The following NCKAP5 variants were observed in gnomAD, a reference collection of about 807,000 sequenced individuals.
The protein encoded by NCKAP5 is NCK associated protein 5.
In NCKAP5, 92 loss-of-function variants were observed where a neutral mutation model predicts 167.0. The observed-to-expected ratio is 0.55, with a 90% CI of 0.47 to 0.66. NCKAP5 has a LOEUF of 0.66. NCKAP5 is among the 30% of genes least tolerant of loss of function. The pLI is 0.00. For synonymous variants in NCKAP5, 891 were observed against 877.4 expected, an observed-to-expected ratio of 1.02 and a Z score of -0.27; for missense variants, 2,378 against 2,315.0, an observed-to-expected ratio of 1.03 and a Z score of -0.56.
At chr2:133,548,784 G>A (rs1357157968) in intron 2 of NCKAP5, among the ~76,000 whole-genome samples, 5 of 152,032 alleles carry the variant, frequency 3.3e-5, no homozygotes, top group African/African-American at 4.8e-5. Context: ...ATGCCAAAAC[G>A]TAAAGACCAT....
intron 3 of NCKAP5, among the ~76,000 whole-genome samples, chr2:133,370,500 A>G (rs2150907539): frequency 6.6e-6 from 1 of 152,304 alleles, no homozygotes; most frequent in Admixed American, 6.5e-5. Context: ...GTTATGTGGA[A>G]AAAGGGTTTT....
intron 6 of NCKAP5, among the ~76,000 whole-genome samples, chr2:133,065,531 AG>A (rs1348372608): frequency 6.6e-6 from 1 of 152,178 alleles, no homozygotes; most frequent in African/African-American, 2.4e-5. Context: ...AGGCTGAGGC[AG>A]GAGAATTGCC....
At chr2:133,545,397 T>C (rs1021324949) in intron 2 of NCKAP5, among the ~76,000 whole-genome samples, 3 of 152,122 alleles carry the variant, frequency 2.0e-5, no homozygotes, top group African/African-American at 4.8e-5. Context: ...GCCAATAGTT[T>C]GCGCAGATTT....
chr2:133,396,090 G>T (rs1183213789), intron 3 of NCKAP5, among the ~76,000 whole-genome samples: 3 of 151,964 alleles, frequency 2.0e-5, no homozygotes, highest in Non-Finnish European at 4.4e-5. Context: ...AAATCCAATG[G>T]ATATGGATAG....
intron 19 of NCKAP5, among the ~76,000 whole-genome samples, chr2:132,713,944 A>T (rs1472742709): frequency 1.3e-5 from 2 of 152,182 alleles, no homozygotes; most frequent in African/African-American, 4.8e-5. Context: ...TGATTTATTC[A>T]TTTATAATAA....
chr2:132,885,542 A>G (rs576725353), intron 8 of NCKAP5, among the ~76,000 whole-genome samples: 1 of 152,308 alleles, frequency 6.6e-6, no homozygotes, highest in African/African-American at 2.4e-5. Flanking sequence ...TCCAAATTAT[A>G]GTGGTCTAAA....
chr2:133,481,772 T>C (rs1458170287), intron 3 of NCKAP5, among the ~76,000 whole-genome samples: 1 of 152,228 alleles, frequency 6.6e-6, no homozygotes, highest in Admixed American at 6.5e-5. Context: ...TCTCATTCTT[T>C]TTTATGCCTC....
At chr2:132,705,759 C>T (rs894412561) in intron 19 of NCKAP5, among the ~76,000 whole-genome samples, 1 of 152,152 alleles carries the variant, frequency 6.6e-6, no homozygotes, top group Non-Finnish European at 1.5e-5. Context: ...GGGATTGTGA[C>T]AGCTAGAAAG....
chr2:132,745,243 A>T (rs1294481163), intron 16 of NCKAP5, among the ~76,000 whole-genome samples: 1 of 151,858 alleles, frequency 6.6e-6, no homozygotes, highest in Admixed American at 6.6e-5. Context: ...TTGCATAATT[A>T]AGCAAATTAC....
Position 133,233,067 on chromosome 2 carries a change from C to T in NCKAP5, c.144-19288G>A, listed in dbSNP as rs565455137. Among the ~76,000 whole-genome samples, 6 of 152,256 alleles carry T rather than the reference C, an allele frequency of 3.9e-5. No individual in the cohort carries two copies. The South Asian group carries it at 6.2e-4, about 16-fold the overall frequency. ...GTCCAAGAATGGATAACTGCTGCTC[C>T]CTGGAAAAACCTGCAGTGCTGTAAA... On this transcript the variant is annotated intron_variant, in intron 4 of 19. Transcript: ENST00000409261.
intron 5 of NCKAP5, among the ~76,000 whole-genome samples, chr2:133,144,592 T>A (rs2083118061): frequency 6.6e-6 from 1 of 152,074 alleles, no homozygotes; most frequent in South Asian, 2.1e-4. Flanking sequence ...AATGAAAAAA[T>A]TAAGTGTGTG....
chr2:133,670,324 C>G, the NCKAP5 span, among the ~76,000 whole-genome samples: 1 of 152,194 alleles, frequency 6.6e-6, no homozygotes, highest in African/African-American at 2.4e-5. Context: ...CATCCCTGAG[C>G]ACACTGATTA....
At chr2:133,648,099 A>G in the NCKAP5 span, among the ~76,000 whole-genome samples, 11 of 152,300 alleles carry the variant, frequency 7.2e-5, no homozygotes, top group Admixed American at 1.3e-4. Flanking sequence ...ATATTTATAT[A>G]AGTCAAAATG....
At chr2:132,973,412 C>A (rs1192307847) in intron 7 of NCKAP5, among the ~76,000 whole-genome samples, 2 of 152,220 alleles carry the variant, frequency 1.3e-5, no homozygotes, top group Non-Finnish European at 2.9e-5. Context: ...TCCCTCCTAG[C>A]TCTGCCACTA....
chr2:132,808,357 G>A (rs1350396874), intron 11 of NCKAP5, among the ~76,000 whole-genome samples: 2 of 151,622 alleles, frequency 1.3e-5, no homozygotes, highest in African/African-American at 4.8e-5. Context: ...TTGAATGTCA[G>A]GTAGAATTCT....
intron 3 of NCKAP5, among the ~76,000 whole-genome samples, chr2:133,350,233 G>A (rs1684269211): frequency 6.6e-6 from 1 of 152,086 alleles, no homozygotes; most frequent in Admixed American, 6.5e-5. Context: ...GCAACATAGT[G>A]AGATCCCATC....
At position 132,784,100 on chromosome 2, in the gene NCKAP5, C is replaced by G. The variant is rs1220831691; in HGVS notation, c.2711G>C (p.Ser904Thr). 1 of 1,522,188 alleles carries G rather than the reference C, an allele frequency of 6.6e-7. No homozygotes were observed. The highest frequency in any genetic ancestry group is 8.8e-7 in the Non-Finnish European group (1 of 1,137,458). 94.3% of individuals were successfully genotyped at this position (1,522,188 alleles called of 1,614,324 possible). A position where few individuals can be genotyped will look rare whatever the true frequency, so the allele number is the denominator to read the frequency against. Residue 904 changes from serine to threonine, a missense_variant, in exon 14 of 20, where the codon AGT becomes ACT. This residue lies in a region of NCKAP5 where 1,325 missense variants were observed against 1,274.5 expected (regional missense o/e 1.04). Coordinates refer to ENST00000409261, the MANE Select transcript of NCKAP5 (RefSeq NM_207363.3). Reference sequence around the variant, plus strand: ...CCTCGTGGGGGGCTCTCCACTGTCACTAGACTCAATGGCAGGCCTTGACCG... The same window carrying G: ...CCTCGTGGGGGGCTCTCCACTGTCAGTAGACTCAATGGCAGGCCTTGACCG... ...GSRSRPAIES[S>T]DSGEPPTRDE...
chr2:133,417,027 CT>C (rs1003194534), intron 3 of NCKAP5, among the ~76,000 whole-genome samples: 1 of 151,340 alleles, frequency 6.6e-6, no homozygotes, highest in African/African-American at 2.4e-5. Flanking sequence ...AGATACTCTG[CT>C]TTTGAAATGT....
At chr2:133,390,512 T>C (rs993661702) in intron 3 of NCKAP5, among the ~76,000 whole-genome samples, 1 of 152,210 alleles carries the variant, frequency 6.6e-6, no homozygotes, top group Non-Finnish European at 1.5e-5. Context: ...GCCTGGTTTC[T>C]TACAGAAAAT....
Sources: allele counts gnomAD v4.1 joint callset (sites outside exome capture counted in the v4.1 genomes callset), GRCh38; gene constraint gnomAD v4.1.1; regional missense constraint gnomAD v4.1.1; transcripts MANE v1.5; gene names NCBI Gene and HGNC (gene_info 2026-07-23, HGNC 2026-07-21).